The following NPAS3 variants were observed in gnomAD, a reference collection of about 807,000 sequenced individuals.
NPAS3 encodes the protein neuronal PAS domain protein 3, also known as neuronal PAS domain-containing protein 3.
Under a neutral mutation model 73.1 loss-of-function variants are expected in NPAS3, and 14 were observed. The observed-to-expected ratio is 0.19, with a 90% confidence interval of 0.13 to 0.30. The LOEUF (loss-of-function observed/expected upper bound fraction) is 0.30, where lower values mean the gene tolerates loss of function less well. NPAS3 is among the 10% of genes least tolerant of loss of function. The probability of loss-of-function intolerance (pLI) is 1.00; values close to 1 mark genes in which losing one functional copy is unlikely to be tolerated. For missense variants in NPAS3, 1,096 were observed against 1,250.0 expected, an observed-to-expected ratio of 0.88 and a Z score of 1.86; for synonymous variants, 620 against 541.5, an observed-to-expected ratio of 1.14 and a Z score of -2.01.
intron 6 of NPAS3, among the ~76,000 whole-genome samples, chr14:33,708,726 C>T (rs547876612): frequency 1.3e-5 from 2 of 152,162 alleles, no homozygotes; most frequent in South Asian, 2.1e-4. Flanking sequence ...GGGAGCAGGA[C>T]GGGAAAATTA....
At chr14:33,654,179 T>A (rs1015775832) in intron 5 of NPAS3, among the ~76,000 whole-genome samples, 1 of 28,222 alleles carries the variant, frequency 3.5e-5, no homozygotes, top group African/African-American at 2.3e-4. Context: ...TCCTGTGCCA[T>A]TTTTTTTTTT....
chr14:33,273,859 A>G (rs243311), intron 3 of NPAS3, among the ~76,000 whole-genome samples: 142,879 of 152,216 alleles, frequency 0.94, 67,232 homozygotes, highest in South Asian at 0.98. Flanking sequence ...AATGTCCAAC[A>G]AAAAAACTTT....
intron 4 of NPAS3, among the ~76,000 whole-genome samples, chr14:33,496,219 CA>C (rs970765600): frequency 1.3e-4 from 20 of 151,750 alleles, no homozygotes; most frequent in African/African-American, 4.8e-4. Context: ...GCCTACCAAC[CA>C]AAAAAAGTCC....
intron 3 of NPAS3, among the ~76,000 whole-genome samples, chr14:33,314,173 G>A (rs191594061): frequency 1.6e-3 from 245 of 151,890 alleles, no homozygotes; most frequent in African/African-American, 5.5e-3. Flanking sequence ...CAATCCAAAG[G>A]GTTTGTCCAA....
intron 4 of NPAS3, among the ~76,000 whole-genome samples, chr14:33,409,507 C>CTCT (rs1165415929): frequency 6.6e-6 from 1 of 152,092 alleles, no homozygotes; most frequent in Non-Finnish European, 1.5e-5. Flanking sequence ...AATTGCCTAT[C>CTCT]TCTATAAACT....
intron 5 of NPAS3, among the ~76,000 whole-genome samples, chr14:33,654,757 G>A (rs900543262): frequency 5.9e-5 from 9 of 152,146 alleles, no homozygotes; most frequent in Admixed American, 5.9e-4. Context: ...ACACTGGAAA[G>A]GTGAGCTGCA....
chr14:32,972,083 C>T (rs1014784218), intron 1 of NPAS3, among the ~76,000 whole-genome samples: 3 of 151,754 alleles, frequency 2.0e-5, no homozygotes, highest in Non-Finnish European at 4.4e-5. Flanking sequence ...GGACTACAGG[C>T]GCTCGCCACC....
At chr14:32,959,856 A>G (rs1041496470) in intron 1 of NPAS3, among the ~76,000 whole-genome samples, 3 of 152,198 alleles carry the variant, frequency 2.0e-5, no homozygotes, top group African/African-American at 7.2e-5. Flanking sequence ...ATGCCCACCT[A>G]TACCCACAAA....
intron 1 of NPAS3, among the ~76,000 whole-genome samples, chr14:32,984,184 G>A (rs1193207529): frequency 6.6e-6 from 1 of 152,176 alleles, no homozygotes; most frequent in East Asian, 1.9e-4. Context: ...ATGCAACCCT[G>A]ACCTGTTATA....
chr14:33,543,307 T>C (rs980130255), intron 4 of NPAS3, among the ~76,000 whole-genome samples: 1 of 152,210 alleles, frequency 6.6e-6, no homozygotes, highest in Non-Finnish European at 1.5e-5. Flanking sequence ...TATAAACCCA[T>C]TATACTGCTA....
At chr14:33,740,185 A>T (rs58550054) in intron 7 of NPAS3, among the ~76,000 whole-genome samples, 19,227 of 152,206 alleles carry the variant, frequency 0.13, 2,686 homozygotes, top group African/African-American at 0.35. Context: ...TTCATATAAT[A>T]TCATCTGAAC....
intron 4 of NPAS3, among the ~76,000 whole-genome samples, chr14:33,526,524 G>A (rs2053808666): frequency 1.3e-5 from 2 of 151,796 alleles, no homozygotes; most frequent in South Asian, 4.2e-4. Context: ...GTAAAATAAT[G>A]AAGGAAGCCA....
At chr14:32,944,493 A>G (rs1157831200) in intron 1 of NPAS3, among the ~76,000 whole-genome samples, 1 of 152,248 alleles carries the variant, frequency 6.6e-6, no homozygotes, top group African/African-American at 2.4e-5. Flanking sequence ...AGTAAGAACT[A>G]GAATTTATCA....
At chr14:33,759,222 T>C (rs971031874) in intron 7 of NPAS3, among the ~76,000 whole-genome samples, 3 of 152,186 alleles carry the variant, frequency 2.0e-5, no homozygotes, top group Non-Finnish European at 4.4e-5. Context: ...CAAACATACA[T>C]AGCAGTCCTC....
chr14:33,567,770 A>C (rs1214675704), intron 5 of NPAS3, among the ~76,000 whole-genome samples: 1 of 152,248 alleles, frequency 6.6e-6, no homozygotes, highest in Non-Finnish European at 1.5e-5. Flanking sequence ...TCATGCTTTC[A>C]TCAGTGCCCA....
chr14:32,990,993 C>A (rs1315531248), intron 1 of NPAS3, among the ~76,000 whole-genome samples: 1 of 151,626 alleles, frequency 6.6e-6, no homozygotes, highest in Non-Finnish European at 1.5e-5. Flanking sequence ...AAAGTTTGTT[C>A]TTGGTGAAGT....
chr14:33,487,839 A>G (rs1247476580), intron 4 of NPAS3, among the ~76,000 whole-genome samples: 1 of 152,182 alleles, frequency 6.6e-6, no homozygotes, highest in East Asian at 1.9e-4. Flanking sequence ...ATTTTTAAAT[A>G]TTTTGGGCTC....
intron 2 of NPAS3, among the ~76,000 whole-genome samples, chr14:33,084,978 T>C (rs778416532): frequency 6.6e-6 from 1 of 152,214 alleles, no homozygotes; most frequent in Non-Finnish European, 1.5e-5. Flanking sequence ...TGTTTCATAG[T>C]AGCCAAACTG....
intron 2 of NPAS3, among the ~76,000 whole-genome samples, chr14:33,144,771 T>C (rs140728391): frequency 0.021 from 3,128 of 152,274 alleles, 109 homozygotes; most frequent in African/African-American, 0.071. Flanking sequence ...TTTTCATTTT[T>C]TGTAGAGATG....
Sources: gnomAD v4.1 joint callset for allele counts (sites outside exome capture counted in the v4.1 genomes callset) on GRCh38, gnomAD v4.1.1 for gene constraint, MANE v1.5 for transcripts, NCBI Gene and HGNC (gene_info 2026-07-23, HGNC 2026-07-21) for gene names.